The following FSTL5 variants were observed in gnomAD, a reference collection of about 807,000 sequenced individuals.
The protein encoded by FSTL5 is follistatin-related protein 5.
Under a neutral mutation model 89.1 loss-of-function variants are expected in FSTL5, and 62 were observed. The observed-to-expected ratio is 0.70, with a 90% CI of 0.57 to 0.86. FSTL5 has a LOEUF of 0.86. FSTL5 is among the 40% of genes least tolerant of loss of function. The pLI, the probability that FSTL5 is intolerant of heterozygous loss-of-function variation, is 0.00. For missense variants in FSTL5, 1,057 were observed against 1,001.6 expected (o/e 1.06, Z -0.75); for synonymous variants, 383 against 346.2 (o/e 1.11, Z -1.18).
intron 6 of FSTL5, among the ~76,000 whole-genome samples, chr4:161,715,865 A>C (rs925036433): frequency 1.3e-5 from 2 of 152,200 alleles, no homozygotes; most frequent in Non-Finnish European, 2.9e-5. Context: ...TAAAAATCTG[A>C]ATAATCTCTC....
intron 2 of FSTL5, among the ~76,000 whole-genome samples, chr4:162,050,387 T>G (rs1738340643): frequency 6.6e-6 from 1 of 151,156 alleles, no homozygotes; most frequent in South Asian, 2.1e-4. Context: ...GTTAAAACAT[T>G]TATATGTCAT....
chr4:161,605,717 AG>A (rs1341874249), intron 7 of FSTL5, among the ~76,000 whole-genome samples: 1 of 152,228 alleles, frequency 6.6e-6, no homozygotes, highest in Non-Finnish European at 1.5e-5. Context: ...CCTTCAGTGG[AG>A]AACCATTTCC....
intron 4 of FSTL5, among the ~76,000 whole-genome samples, chr4:161,916,099 A>G (rs1321776587): frequency 1.3e-5 from 2 of 152,184 alleles, no homozygotes; most frequent in Admixed American, 6.5e-5. Context: ...TGCCTCAAAA[A>G]TGGAAACAAT....
rs560058828 is a variant in FSTL5, at chr4:161,806,911, CATAG to C, written c.410-30841_410-30838del. Among the ~76,000 whole-genome samples, 66 of 151,568 alleles carry C rather than the reference CATAG, an allele frequency of 4.4e-4. No individual in the cohort carries two copies. In the South Asian group the frequency reaches 7.3e-3, roughly 17 times the overall value. ...AGATAAATAGACAGATAGATAGATA[CATAG>C]ATAGATAGATAGATGAAAACCATAG... On this transcript the variant is annotated intron_variant, in intron 4 of 15. Transcript: ENST00000306100.
chr4:161,864,184 G>A (rs1312066003), intron 4 of FSTL5, among the ~76,000 whole-genome samples: 1 of 152,130 alleles, frequency 6.6e-6, no homozygotes, highest in Non-Finnish European at 1.5e-5. Flanking sequence ...CCTGAGAGAA[G>A]CCACAAAATG....
At chr4:162,085,316 G>GA (rs1012268468) in intron 2 of FSTL5, among the ~76,000 whole-genome samples, 3 of 151,850 alleles carry the variant, frequency 2.0e-5, no homozygotes, top group African/African-American at 4.8e-5. Context: ...TTCCCACAGT[G>GA]AAAAATCACA....
At chr4:161,695,136 G>A (rs1429954692) in intron 6 of FSTL5, among the ~76,000 whole-genome samples, 1 of 151,796 alleles carries the variant, frequency 6.6e-6, no homozygotes, top group Non-Finnish European at 1.5e-5. Flanking sequence ...GGTAATCTGT[G>A]AGATTTTGGT....
intron 3 of FSTL5, among the ~76,000 whole-genome samples, chr4:162,015,925 G>A (rs1256060005): frequency 2.0e-5 from 3 of 152,152 alleles, no homozygotes; most frequent in Non-Finnish European, 4.4e-5. Flanking sequence ...GACTTGGCAA[G>A]GATGTTTTTA....
At chr4:161,906,904 C>G (rs1001622132) in intron 4 of FSTL5, among the ~76,000 whole-genome samples, 3 of 151,964 alleles carry the variant, frequency 2.0e-5, no homozygotes, top group Admixed American at 2.0e-4. Flanking sequence ...CTGCTGCTTC[C>G]AGTAGATGTA....
At chr4:161,658,827 CT>C (rs573898709) in intron 6 of FSTL5, among the ~76,000 whole-genome samples, 52 of 152,176 alleles carry the variant, frequency 3.4e-4, no homozygotes, top group Admixed American at 1.7e-3. Flanking sequence ...CTTCTGGTTC[CT>C]CATTAAATTA....
At position 161,763,947 on chromosome 4, in the gene FSTL5, C is replaced by G. The variant is rs545614185; in HGVS notation, c.607-4416G>C. On this transcript the variant is annotated intron_variant, in intron 5 of 15. Coordinates refer to ENST00000306100, the MANE Select transcript of FSTL5 (RefSeq NM_020116.5). ...GTCTGAACAGCTTCTTGTCTCCCCCCTTTCTTCCTTTCTTCTTTTTCCTTT... is the reference window on the plus strand; with the variant it reads ...GTCTGAACAGCTTCTTGTCTCCCCCGTTTCTTCCTTTCTTCTTTTTCCTTT... Among the ~76,000 whole-genome samples the G allele has an allele frequency of 2.0e-5, 3 of 151,848 alleles. No homozygotes were observed. The South Asian group carries it at 6.2e-4, about 32-fold the overall frequency.
chr4:161,543,032 C>A (rs1289837562), intron 8 of FSTL5, among the ~76,000 whole-genome samples: 3 of 151,390 alleles, frequency 2.0e-5, no homozygotes, highest in African/African-American at 7.3e-5. Flanking sequence ...ACAATTTGAG[C>A]ACTGAAATAA....
chr4:161,547,754 G>A (rs1002995790), intron 8 of FSTL5, among the ~76,000 whole-genome samples: 2 of 151,822 alleles, frequency 1.3e-5, no homozygotes, highest in Non-Finnish European at 2.9e-5. Flanking sequence ...ATTTTCTTCA[G>A]TATGATAAGG....
intron 15 of FSTL5, among the ~76,000 whole-genome samples, chr4:161,430,919 C>T (rs1013028949): frequency 1.3e-5 from 2 of 151,586 alleles, no homozygotes; most frequent in African/African-American, 4.8e-5. Flanking sequence ...TTTAATAGTG[C>T]TGAAGAAAAA....
intron 7 of FSTL5, among the ~76,000 whole-genome samples, chr4:161,606,239 G>GCT (rs1199817680): frequency 1.1e-5 from 1 of 95,136 alleles, no homozygotes; most frequent in Non-Finnish European, 2.3e-5. Context: ...GATTATCTGT[G>GCT]ATTTTTTTTT....
At chr4:162,061,783 A>G (rs1738726245) in intron 2 of FSTL5, among the ~76,000 whole-genome samples, 1 of 152,280 alleles carries the variant, frequency 6.6e-6, no homozygotes, top group Non-Finnish European at 1.5e-5. Context: ...ATGCTTAAGC[A>G]CACAGGGACA....
chr4:161,433,719 A>G lies in FSTL5; in HGVS notation c.1841+21285T>C, dbSNP rs562158393. Among the ~76,000 whole-genome samples, 13 of 152,276 alleles carry G rather than the reference A, an allele frequency of 8.5e-5. No individual in the cohort carries two copies. In the South Asian group the frequency reaches 2.5e-3, roughly 29 times the overall value. ...AACAAATTCAGTAAAGTTGCAGGAT[A>G]AAAAAGTCAACATACAAAATCAGTA... On this transcript the variant is annotated intron_variant, in intron 15 of 15. Coordinates refer to ENST00000306100, the MANE Select transcript of FSTL5 (RefSeq NM_020116.5).
chr4:161,669,487 C>T (rs544684982), intron 6 of FSTL5, among the ~76,000 whole-genome samples: 2 of 151,988 alleles, frequency 1.3e-5, no homozygotes, highest in South Asian at 2.1e-4. Flanking sequence ...GAAATAGAAC[C>T]AAATAAATAT....
intron 10 of FSTL5, among the ~76,000 whole-genome samples, chr4:161,527,856 T>A (rs1271070723): frequency 1.3e-5 from 2 of 151,290 alleles, no homozygotes; most frequent in East Asian, 3.9e-4. Flanking sequence ...GTATGTTTGT[T>A]GCGGCACTAT....
Sources: gnomAD v4.1 joint callset for allele counts (sites outside exome capture counted in the v4.1 genomes callset) on GRCh38, gnomAD v4.1.1 for gene constraint, MANE v1.5 for transcripts, NCBI Gene and HGNC (gene_info 2026-07-23, HGNC 2026-07-21) for gene names.